Variants in TTC28 observed in about 807,000 individuals in gnomAD.
TTC28 encodes tetratricopeptide repeat protein 28.
TTC28 carries 61 observed loss-of-function variants against 198.0 expected under a neutral mutation model. The ratio of observed to expected loss-of-function variants is 0.31; its 90% CI spans 0.25 to 0.38. TTC28 has a LOEUF of 0.38. Among genes scored for constraint, TTC28 ranks in the 10% least tolerant of loss-of-function variants. The probability of loss-of-function intolerance (pLI) is 1.00; values close to 1 mark genes in which losing one functional copy is unlikely to be tolerated. For synonymous variants in TTC28, 1,171 were observed against 1,297.8 expected (o/e 0.90, Z 2.10); for missense variants, 2,678 against 3,164.0 (o/e 0.85, Z 3.69).
At chr22:28,001,651 A>G in intron 14 of TTC28, 98 bp from the exon 15 acceptor site, 1 of 1,398,666 alleles carries the variant, frequency 7.1e-7, no homozygotes, top group Non-Finnish European at 9.6e-7. Context: ...TGACACAAGC[A>G]CGAGCAGGTG....
chr22:28,230,281 C>T (rs1219911128), intron 5 of TTC28, among the ~76,000 whole-genome samples: 1 of 152,084 alleles, frequency 6.6e-6, no homozygotes, highest in Non-Finnish European at 1.5e-5. Flanking sequence ...ACAGAAAGGC[C>T]CCTCCCAGCC....
At chr22:28,422,236 G>C (rs529896997) in intron 2 of TTC28, among the ~76,000 whole-genome samples, 2 of 152,258 alleles carry the variant, frequency 1.3e-5, no homozygotes, top group East Asian at 3.9e-4. Flanking sequence ...CTTTATACTT[G>C]AATGGTTTCC....
chr22:28,337,805 CTG>C (rs2045756779), intron 2 of TTC28, among the ~76,000 whole-genome samples: 1 of 152,164 alleles, frequency 6.6e-6, no homozygotes. Flanking sequence ...ATTTGCCAGT[CTG>C]TGTCTTTTAA....
Position 28,675,528 on chromosome 22 carries a change from G to A in TTC28, c.102+4094C>T, listed in dbSNP as rs192742268. On this transcript the variant is annotated intron_variant, in intron 1 of 22. Coordinates refer to ENST00000397906, the MANE Select transcript of TTC28 (RefSeq NM_001145418.2). ...GCACTTTGGGAGGCAGAGGCTGGTGGACCACTTGAGCCCAGGAGTTCCAGA... is the reference window on the plus strand; with the variant it reads ...GCACTTTGGGAGGCAGAGGCTGGTGAACCACTTGAGCCCAGGAGTTCCAGA... Among the ~76,000 whole-genome samples, 3 of 152,086 alleles carry A rather than the reference G, an allele frequency of 2.0e-5. No homozygotes were observed. The East Asian group carries it at 5.8e-4, about 29-fold the overall frequency.
intron 2 of TTC28, among the ~76,000 whole-genome samples, chr22:28,334,309 C>T (rs2045669541): frequency 6.6e-6 from 1 of 152,002 alleles, no homozygotes; most frequent in Admixed American, 6.6e-5. Context: ...CCACAATAAA[C>T]ATATGTGTGC....
At chr22:28,074,065 A>G (rs922199032) in intron 12 of TTC28, among the ~76,000 whole-genome samples, 1 of 152,214 alleles carries the variant, frequency 6.6e-6, no homozygotes, top group Non-Finnish European at 1.5e-5. Context: ...TTAAATCACA[A>G]AAGTACAAGC....
intron 16 of TTC28, 92 bp from the exon 17 acceptor site, chr22:27,996,351 AC>A (rs1937552163): frequency 1.3e-6 from 2 of 1,486,856 alleles, no homozygotes; most frequent in Non-Finnish European, 1.8e-6. Flanking sequence ...CTCGAGGTTA[AC>A]CCAGCAGAAA....
chr22:28,286,386 A>T (rs1236159228), intron 5 of TTC28, among the ~76,000 whole-genome samples: 2 of 152,228 alleles, frequency 1.3e-5, no homozygotes, highest in Non-Finnish European at 2.9e-5. Context: ...ACATTAAACA[A>T]TATAAAAAAT....
At chr22:28,541,865 G>A (rs987568718) in intron 2 of TTC28, among the ~76,000 whole-genome samples, 3 of 151,984 alleles carry the variant, frequency 2.0e-5, no homozygotes, top group African/African-American at 7.2e-5. Flanking sequence ...AAAGCAAGAT[G>A]ATCTCTTGAG....
chr22:28,654,985 CT>C (rs2146268891), intron 1 of TTC28, among the ~76,000 whole-genome samples: 1 of 152,264 alleles, frequency 6.6e-6, no homozygotes, highest in African/African-American at 2.4e-5. Flanking sequence ...TATTCTTTAG[CT>C]TTTTAGAGAT....
intron 6 of TTC28, among the ~76,000 whole-genome samples, chr22:28,148,368 C>T (rs948328609): frequency 6.6e-6 from 1 of 152,228 alleles, no homozygotes; most frequent in Non-Finnish European, 1.5e-5. Context: ...AATCCCAGCA[C>T]TTTGGGAGGC....
At chr22:28,262,856 A>G (rs1463602689) in intron 5 of TTC28, among the ~76,000 whole-genome samples, 1 of 152,164 alleles carries the variant, frequency 6.6e-6, no homozygotes, top group Admixed American at 6.6e-5. Flanking sequence ...GACTACCAGA[A>G]GCCAGACCTT....
At position 27,979,560 on chromosome 22, in the gene TTC28, TTA is replaced by T. The variant is rs987936644; in HGVS notation, c.*2659_*2660del. 4 of 151,928 alleles carry T rather than the reference TTA, an allele frequency of 2.6e-5. No homozygotes were observed. The highest frequency in any genetic ancestry group is 4.8e-5 in the African/African-American group (2 of 41,332). 9.4% of individuals were successfully genotyped at this position (151,928 alleles called of 1,614,324 possible). On this transcript the variant is annotated 3_prime_UTR_variant, in exon 23 of 23. Coordinates refer to ENST00000397906, the MANE Select transcript of TTC28 (RefSeq NM_001145418.2). ...AAAATCAAAAATATGATGTAATTAC[TTA>T]TATAACCCTTTAAAAAGGTAACTTA... is the stretch of plus-strand genomic sequence containing the variant.
chr22:28,560,003 A>G (rs939367007), intron 2 of TTC28, among the ~76,000 whole-genome samples: 5 of 152,170 alleles, frequency 3.3e-5, no homozygotes, highest in African/African-American at 7.2e-5. Flanking sequence ...CTCAAATTTA[A>G]TATCTAAAAC....
chr22:28,198,036 G>A (rs1925547495), intron 5 of TTC28, among the ~76,000 whole-genome samples: 1 of 152,116 alleles, frequency 6.6e-6, no homozygotes, highest in Non-Finnish European at 1.5e-5. Context: ...GTACTCTCAT[G>A]TACTGCTGGT....
intron 12 of TTC28, among the ~76,000 whole-genome samples, chr22:28,033,110 A>G (rs1476124352): frequency 3.3e-5 from 5 of 152,126 alleles, no homozygotes; most frequent in Admixed American, 3.3e-4. Context: ...GGGGAGAAGA[A>G]TTGCCTGGGA....
At chr22:27,993,658 G>A in intron 17 of TTC28, 140 bp from the exon 18 acceptor site, 1 of 770,008 alleles carries the variant, frequency 1.3e-6, no homozygotes, top group Non-Finnish European at 2.0e-6. Context: ...CAGGCCTGAG[G>A]ATGTGACACT....
intron 2 of TTC28, among the ~76,000 whole-genome samples, chr22:28,487,257 T>G (rs531546933): frequency 5.9e-5 from 9 of 152,070 alleles, no homozygotes; most frequent in African/African-American, 2.2e-4. Flanking sequence ...GATTAATAAA[T>G]TATCTTTGTT....
chr22:28,394,143 G>C (rs529407579), intron 2 of TTC28, among the ~76,000 whole-genome samples: 1 of 152,216 alleles, frequency 6.6e-6, no homozygotes, highest in African/African-American at 2.4e-5. Flanking sequence ...CCTATGCTGA[G>C]CTGCCTGCCT....
Sources: gnomAD v4.1 joint callset for allele counts (sites outside exome capture counted in the v4.1 genomes callset) on GRCh38, gnomAD v4.1.1 for gene constraint, MANE v1.5 for transcripts, NCBI Gene and HGNC (gene_info 2026-07-23, HGNC 2026-07-21) for gene names.